The following SNTG1 variants were observed in gnomAD, a reference collection of about 807,000 sequenced individuals.
SNTG1 encodes the protein gamma-1-syntrophin.
Under a neutral mutation model 74.7 loss-of-function variants are expected in SNTG1, and 39 were observed. The observed-to-expected ratio is 0.52, with a 90% CI of 0.40 to 0.68. The LOEUF is 0.68. SNTG1 is among the 30% of genes least tolerant of loss of function. The pLI is 0.00. For missense variants in SNTG1, 685 were observed against 609.5 expected, an observed-to-expected ratio of 1.12 and a Z score of -1.30; for synonymous variants, 254 against 217.1, an observed-to-expected ratio of 1.17 and a Z score of -1.49.
At chr8:50,366,957 A>G (rs1461572079) in intron 2 of SNTG1, among the ~76,000 whole-genome samples, 1 of 148,368 alleles carries the variant, frequency 6.7e-6, no homozygotes, top group Non-Finnish European at 1.5e-5. Context: ...TACTATAAGG[A>G]CGCAAATAGT....
intron 1 of SNTG1, among the ~76,000 whole-genome samples, chr8:50,133,611 C>T (rs1468266787): frequency 1.3e-5 from 2 of 152,158 alleles, no homozygotes. Flanking sequence ...GAAGCTGCCT[C>T]CTGGCCCCTT....
chr8:50,743,828 A>T (rs955593290), intron 17 of SNTG1, among the ~76,000 whole-genome samples: 1 of 151,982 alleles, frequency 6.6e-6, no homozygotes, highest in Non-Finnish European at 1.5e-5. Context: ...AAAGAGGTTT[A>T]GTTGGCTTAC....
At chr8:50,405,368 C>T (rs1489181387) in intron 4 of SNTG1, among the ~76,000 whole-genome samples, 4 of 151,918 alleles carry the variant, frequency 2.6e-5, no homozygotes, top group African/African-American at 7.2e-5. Flanking sequence ...TGAATCTCAC[C>T]GTGGTTTTCA....
At chr8:50,107,771 G>A (rs748131990) in intron 1 of SNTG1, among the ~76,000 whole-genome samples, 8 of 151,868 alleles carry the variant, frequency 5.3e-5, no homozygotes, top group Non-Finnish European at 1.0e-4. Context: ...GGTTGGTCTC[G>A]AACTCCTGAC....
intron 13 of SNTG1, among the ~76,000 whole-genome samples, chr8:50,598,271 T>C (rs1037365594): frequency 1.3e-5 from 2 of 151,940 alleles, no homozygotes; most frequent in African/African-American, 2.4e-5. Context: ...TTTTTGTGTG[T>C]GGTGAGAGAT....
intron 1 of SNTG1, among the ~76,000 whole-genome samples, chr8:50,023,170 G>C (rs2130693153): frequency 6.6e-6 from 1 of 152,236 alleles, no homozygotes; most frequent in East Asian, 1.9e-4. Context: ...CATCGACAGG[G>C]AGCCTGTGGA....
At chr8:50,322,148 A>G (rs1033022739) in intron 2 of SNTG1, among the ~76,000 whole-genome samples, 1 of 151,992 alleles carries the variant, frequency 6.6e-6, no homozygotes, top group Non-Finnish European at 1.5e-5. Flanking sequence ...GTTTTAGGGT[A>G]CATGTGCCTT....
At chr8:50,044,748 G>T (rs560929320) in intron 1 of SNTG1, among the ~76,000 whole-genome samples, 1 of 152,074 alleles carries the variant, frequency 6.6e-6, no homozygotes, top group South Asian at 2.1e-4. Context: ...ATTTGTAACA[G>T]AATTACCACA....
chr8:50,350,689 C>A (rs892207544), intron 2 of SNTG1, among the ~76,000 whole-genome samples: 7 of 152,216 alleles, frequency 4.6e-5, no homozygotes, highest in African/African-American at 1.4e-4. Flanking sequence ...CACCAATCCA[C>A]ACTCTGTATC....
rs183541748 is a variant in SNTG1, at chr8:50,497,923, T to C, written c.364-4855T>C. Reference sequence around the variant, plus strand: ...TTATTTTATATTTATTCACCTGGTATCATGTACCCATCACTCATTGCTTTT... The same window carrying C: ...TTATTTTATATTTATTCACCTGGTACCATGTACCCATCACTCATTGCTTTT... On this transcript the variant is annotated intron_variant, in intron 8 of 18. Coordinates refer to ENST00000642720, the MANE Select transcript of SNTG1 (RefSeq NM_018967.5). Among the ~76,000 whole-genome samples, 984 of 152,154 alleles carry C rather than the reference T, an allele frequency of 6.5e-3. 5 individuals carry two copies. Among genetic ancestry groups the C allele is most frequent in the Non-Finnish European group, 0.011 (760 of 67,910 alleles).
At chr8:50,585,295 A>G (rs1045459051) in intron 12 of SNTG1, among the ~76,000 whole-genome samples, 4 of 152,294 alleles carry the variant, frequency 2.6e-5, no homozygotes, top group African/African-American at 4.8e-5. Flanking sequence ...ACCCTGGTCT[A>G]AGCCATTCTG....
chr8:50,055,133 A>G (rs1210220967), intron 1 of SNTG1, among the ~76,000 whole-genome samples: 1 of 152,096 alleles, frequency 6.6e-6, no homozygotes, highest in Non-Finnish European at 1.5e-5. Flanking sequence ...AACTGCTTCA[A>G]TGGCTCCACC....
intron 13 of SNTG1, among the ~76,000 whole-genome samples, chr8:50,608,437 T>C (rs943422896): frequency 4.6e-5 from 7 of 151,964 alleles, no homozygotes; most frequent in African/African-American, 1.7e-4. Context: ...GACATTTGTG[T>C]CATCATGAAA....
intron 1 of SNTG1, among the ~76,000 whole-genome samples, chr8:50,152,655 T>C (rs1196763198): frequency 1.3e-5 from 2 of 152,344 alleles, no homozygotes; most frequent in Non-Finnish European, 2.9e-5. Flanking sequence ...TTATTTCTCC[T>C]TCACTTATGA....
At chr8:50,162,334 G>C (rs938329149) in intron 1 of SNTG1, among the ~76,000 whole-genome samples, 2 of 152,068 alleles carry the variant, frequency 1.3e-5, no homozygotes, top group Admixed American at 6.5e-5. Context: ...AGGTCGAGGC[G>C]GGCGTATCAC....
At chr8:50,351,634 A>C (rs1193513472) in intron 2 of SNTG1, among the ~76,000 whole-genome samples, 1 of 152,242 alleles carries the variant, frequency 6.6e-6, no homozygotes, top group African/African-American at 2.4e-5. Context: ...TGAAGAGAAA[A>C]TAGTAAAAAT....
intron 17 of SNTG1, among the ~76,000 whole-genome samples, chr8:50,710,225 G>T (rs1220716412): frequency 1.3e-5 from 2 of 152,138 alleles, no homozygotes; most frequent in Non-Finnish European, 2.9e-5. Flanking sequence ...CTAATGTGTT[G>T]CCTTCACATC....
At chr8:50,386,067 G>T (rs575541387) in intron 2 of SNTG1, among the ~76,000 whole-genome samples, 1 of 152,084 alleles carries the variant, frequency 6.6e-6, no homozygotes, top group African/African-American at 2.4e-5. Context: ...AGTTCTAATG[G>T]CATCCATTTG....
chr8:50,285,354 T>A (rs1184875812), intron 2 of SNTG1, among the ~76,000 whole-genome samples: 1 of 152,136 alleles, frequency 6.6e-6, no homozygotes, highest in Non-Finnish European at 1.5e-5. Context: ...AGCAAGTATA[T>A]GGTGTTTTGT....
Sources: gnomAD v4.1 joint callset for allele counts (sites outside exome capture counted in the v4.1 genomes callset) on GRCh38, gnomAD v4.1.1 for gene constraint, MANE v1.5 for transcripts, NCBI Gene and HGNC (gene_info 2026-07-23, HGNC 2026-07-21) for gene names.